PLD5: variants seen among roughly 807,000 people sequenced by gnomAD.
PLD5 encodes phospholipase D family member 5.
Under a neutral mutation model 61.1 loss-of-function variants are expected in PLD5, and 36 were observed. The observed-to-expected ratio is 0.59, with a 90% CI of 0.45 to 0.78. The LOEUF (loss-of-function observed/expected upper bound fraction) is 0.78, where lower values mean the gene tolerates loss of function less well. Ranked by LOEUF, PLD5 falls within the 30% of genes least tolerant of loss-of-function variation. The pLI is 0.00. For missense variants in PLD5, 515 were observed against 644.4 expected (o/e 0.80, Z 2.17); for synonymous variants, 243 against 242.8 (o/e 1.00, Z -0.01).
chr1:242,261,365 C>G (rs1265548051), intron 4 of PLD5, among the ~76,000 whole-genome samples: 2 of 152,150 alleles, frequency 1.3e-5, no homozygotes, highest in Non-Finnish European at 2.9e-5. Context: ...AAACTTAACA[C>G]AGACTTAAAT....
intron 2 of PLD5, among the ~76,000 whole-genome samples, chr1:242,291,535 G>A (rs187163329): frequency 2.6e-5 from 4 of 152,190 alleles, no homozygotes; most frequent in East Asian, 1.9e-4. Flanking sequence ...GGCCAGGTGC[G>A]GTGGCTCACA....
intron 1 of PLD5, among the ~76,000 whole-genome samples, chr1:242,521,806 CAT>C (rs1428315404): frequency 6.6e-6 from 1 of 152,084 alleles, no homozygotes; most frequent in African/African-American, 2.4e-5. Flanking sequence ...ATGAAGTCAA[CAT>C]TAGATTTTCA....
intron 1 of PLD5, among the ~76,000 whole-genome samples, chr1:242,471,791 G>A (rs949300343): frequency 6.6e-6 from 1 of 152,114 alleles, no homozygotes; most frequent in African/African-American, 2.4e-5. Flanking sequence ...AATGTGTTCT[G>A]AACTTTGAAG....
At chr1:242,285,413 G>A (rs1237066135) in intron 3 of PLD5, among the ~76,000 whole-genome samples, 1 of 152,148 alleles carries the variant, frequency 6.6e-6, no homozygotes, top group Non-Finnish European at 1.5e-5. Context: ...CAGGAGAATC[G>A]CTTGAACCCG....
chr1:242,492,925 T>A (rs951653711), intron 1 of PLD5, among the ~76,000 whole-genome samples: 8 of 152,148 alleles, frequency 5.3e-5, no homozygotes, highest in Non-Finnish European at 1.2e-4. Context: ...CCAAAGGCTC[T>A]ACTTCCTAAA....
chr1:242,207,947 T>C (rs187347409), intron 5 of PLD5, among the ~76,000 whole-genome samples: 9,400 of 58,064 alleles, frequency 0.16, 3,187 homozygotes, highest in East Asian at 0.45. Context: ...TATTTATATA[T>C]ATTTATTTAT....
intron 1 of PLD5, among the ~76,000 whole-genome samples, chr1:242,439,678 C>A (rs2055537): frequency 6.6e-6 from 1 of 152,144 alleles, no homozygotes; most frequent in Non-Finnish European, 1.5e-5. Context: ...TCCAATTTTC[C>A]GTGAAGCACA....
rs1553366817 is a variant in PLD5 at position 242,394,898 on chromosome 1, T to TTATATATGA, written c.190-46665_190-46657dup. 1.9e-4 allele frequency among the ~76,000 whole-genome samples: 19 copies of TTATATATGA among 102,600 alleles called. 1 individual carries two copies. Among genetic ancestry groups the TTATATATGA allele is most frequent in the African/African-American group, 7.4e-4 (19 of 25,826 alleles). 67.3% of individuals were successfully genotyped at this position (102,600 alleles called of 152,430 possible). Reference sequence around the variant, plus strand: ...TATATGAATATATGTATATATATGATTATATATGAATATATATGTATATAT... The same window carrying TTATATATGA: ...TATATGAATATATGTATATATATGATTATATATGATATATATGAATATATATGTATATAT... On this transcript the variant is annotated intron_variant, in intron 1 of 9. Coordinates refer to ENST00000536534, the MANE Select transcript of PLD5 (RefSeq NM_001372062.1).
intron 1 of PLD5, among the ~76,000 whole-genome samples, chr1:242,506,429 C>T (rs1179779926): frequency 6.6e-6 from 1 of 151,960 alleles, no homozygotes; most frequent in Non-Finnish European, 1.5e-5. Flanking sequence ...AGGATTGAGC[C>T]CAGGCCGACT....
At chr1:242,211,345 C>T (rs4428869) in intron 5 of PLD5, among the ~76,000 whole-genome samples, 19 of 151,938 alleles carry the variant, frequency 1.3e-4, no homozygotes, top group African/African-American at 4.1e-4. Context: ...TAGCTTGGGA[C>T]GCAGATACAA....
At chr1:242,287,420 G>A (rs1313789232) in intron 3 of PLD5, among the ~76,000 whole-genome samples, 2 of 152,196 alleles carry the variant, frequency 1.3e-5, no homozygotes, top group Non-Finnish European at 2.9e-5. Flanking sequence ...ATGGAAAAGT[G>A]TAGAACACAG....
At chr1:242,377,183 G>A (rs1662013315) in intron 1 of PLD5, 20 of 1,611,600 alleles carry the variant, frequency 1.2e-5, no homozygotes, top group East Asian at 8.9e-5. Flanking sequence ...AGAGAGAGAC[G>A]TGAGACGTGT....
chr1:242,496,856 A>G (rs1668387280), intron 1 of PLD5, among the ~76,000 whole-genome samples: 1 of 152,246 alleles, frequency 6.6e-6, no homozygotes, highest in Admixed American at 6.5e-5. Flanking sequence ...AGCTAGCTGC[A>G]GTATGTGACT....
intron 9 of PLD5, among the ~76,000 whole-genome samples, chr1:242,091,655 A>G (rs559720574): frequency 1.3e-5 from 2 of 152,272 alleles, no homozygotes; most frequent in Non-Finnish European, 2.9e-5. Flanking sequence ...TCGATAGAAT[A>G]ATAAATTTTG....
intron 1 of PLD5, among the ~76,000 whole-genome samples, chr1:242,476,776 T>A (rs1293503201): frequency 1.3e-5 from 2 of 152,206 alleles, no homozygotes; most frequent in African/African-American, 4.8e-5. Flanking sequence ...GGTTTATTTT[T>A]TTTCATTGAT....
chr1:242,418,144 C>A (rs955947451), intron 1 of PLD5, among the ~76,000 whole-genome samples: 6 of 151,888 alleles, frequency 4.0e-5, no homozygotes, highest in African/African-American at 1.4e-4. Context: ...GGAAATAGAT[C>A]CTATAGTATT....
intron 1 of PLD5, among the ~76,000 whole-genome samples, chr1:242,409,627 G>C (rs73132308): frequency 6.6e-6 from 1 of 152,226 alleles, no homozygotes; most frequent in African/African-American, 2.4e-5. Context: ...GAAGGACAGG[G>C]GGCTCCAAAC....
chr1:242,227,225 T>C (rs1433342641), intron 4 of PLD5, among the ~76,000 whole-genome samples: 1 of 151,432 alleles, frequency 6.6e-6, no homozygotes, highest in Non-Finnish European at 1.5e-5. Flanking sequence ...TTGATTTTTA[T>C]TTTTTTTTAA....
chr1:242,243,795 G>C (rs1202555408), intron 4 of PLD5, among the ~76,000 whole-genome samples: 1 of 152,170 alleles, frequency 6.6e-6, no homozygotes, highest in African/African-American at 2.4e-5. Context: ...CTAGCTAGCA[G>C]AGTGATTTAA....
Sources: gnomAD v4.1 joint callset for allele counts (sites outside exome capture counted in the v4.1 genomes callset) on GRCh38, gnomAD v4.1.1 for gene constraint, MANE v1.5 for transcripts, NCBI Gene and HGNC (gene_info 2026-07-23, HGNC 2026-07-21) for gene names.